CDH11: variants seen among roughly 807,000 people sequenced by gnomAD.
The protein encoded by CDH11 is cadherin 11, also known as cadherin-11.
A neutral mutation model predicts 67.8 loss-of-function variants in CDH11; 11 were observed. The ratio of observed to expected loss-of-function variants is 0.16; its 90% CI spans 0.10 to 0.27. The LOEUF is 0.27. Ranked by LOEUF, CDH11 falls within the 10% of genes least tolerant of loss-of-function variation. CDH11 has a pLI of 1.00. For missense variants in CDH11, 847 were observed against 1,031.2 expected, an observed-to-expected ratio of 0.82 and a Z score of 2.45; for synonymous variants, 419 against 400.0, an observed-to-expected ratio of 1.05 and a Z score of -0.57.
intron 2 of CDH11, among the ~76,000 whole-genome samples, chr16:65,039,359 A>G (rs531123170): frequency 6.6e-6 from 1 of 152,328 alleles, no homozygotes; most frequent in South Asian, 2.1e-4. Context: ...GTATCAAAAC[A>G]GAGATATAGA....
chr16:65,033,805 A>C (rs1280590287), intron 2 of CDH11, among the ~76,000 whole-genome samples: 2 of 150,954 alleles, frequency 1.3e-5, no homozygotes, highest in Non-Finnish European at 3.0e-5. Context: ...ATGGACTTGA[A>C]ATCCTCCAAG....
chr16:64,977,125 G>A (rs925401684), intron 8 of CDH11, among the ~76,000 whole-genome samples: 6 of 151,968 alleles, frequency 3.9e-5, no homozygotes, highest in African/African-American at 1.4e-4. Context: ...CCTGAGCGCA[G>A]GGAGCTCAAG....
Position 64,983,522 on chromosome 16 carries a change from T to A in CDH11, c.1000-1221A>T, listed in dbSNP as rs533422731. Among the ~76,000 whole-genome samples, 4 of 152,310 alleles carry A rather than the reference T, an allele frequency of 2.6e-5. No homozygotes were observed. The South Asian group carries it at 8.3e-4, about 32-fold the overall frequency. On this transcript the variant is annotated intron_variant, in intron 7 of 12. Coordinates refer to ENST00000268603, the MANE Select transcript of CDH11 (RefSeq NM_001797.4). ...ACGCTTATTCTGAATGGGCATATAG[T>A]CATGGGGCTTATTCCTGATCTAATT...
rs186378626 is a variant in CDH11, at chr16:65,001,451, T to C, written c.229-2595A>G. Among the ~76,000 whole-genome samples, 58 of 152,312 alleles carry C rather than the reference T, an allele frequency of 3.8e-4. No homozygotes were observed. In the East Asian group the frequency reaches 0.01, roughly 27 times the overall value. Reference sequence around the variant, plus strand: ...GGGAGGCTTACCTTTGTTCTTCTATTTACCCTGCTGCACACCTGGCAGAAG... The same window carrying C: ...GGGAGGCTTACCTTTGTTCTTCTATCTACCCTGCTGCACACCTGGCAGAAG... On this transcript the variant is annotated intron_variant, in intron 3 of 12. Coordinates refer to ENST00000268603, the MANE Select transcript of CDH11 (RefSeq NM_001797.4).
chr16:65,043,420 G>A (rs113328178), intron 2 of CDH11, among the ~76,000 whole-genome samples: 3,683 of 152,252 alleles, frequency 0.024, 54 homozygotes, highest in Non-Finnish European at 0.036. Flanking sequence ...CAAACATAAA[G>A]AGAAGATGTG....
At chr16:65,097,546 A>C (rs1011425145) in intron 1 of CDH11, among the ~76,000 whole-genome samples, 6 of 152,210 alleles carry the variant, frequency 3.9e-5, no homozygotes, top group African/African-American at 1.4e-4. Flanking sequence ...TGATGCCAGC[A>C]GCATTCTCTC....
At chr16:65,023,027 T>A (rs1349910987) in intron 2 of CDH11, among the ~76,000 whole-genome samples, 3 of 152,150 alleles carry the variant, frequency 2.0e-5, no homozygotes, top group Non-Finnish European at 4.4e-5. Context: ...AGGATAAGCA[T>A]GCATTTGGGC....
chr16:65,110,624 ATG>A (rs57316241), intron 1 of CDH11, among the ~76,000 whole-genome samples: 7,746 of 135,640 alleles, frequency 0.057, 230 homozygotes, highest in East Asian at 0.15. Flanking sequence ...ATGGCCAATG[ATG>A]TGTGTGTGTG....
intron 1 of CDH11, among the ~76,000 whole-genome samples, chr16:65,101,260 A>G (rs1396083146): frequency 1.3e-5 from 2 of 152,156 alleles, no homozygotes; most frequent in Non-Finnish European, 2.9e-5. Flanking sequence ...CCAAGAAGAC[A>G]CCAACCAATC....
intron 1 of CDH11, among the ~76,000 whole-genome samples, chr16:65,077,691 C>T (rs78736977): frequency 6.6e-6 from 1 of 152,128 alleles, no homozygotes; most frequent in Non-Finnish European, 1.5e-5. Context: ...CAAGGGAAAT[C>T]CTTTTAAATT....
chr16:64,983,177 G>A (rs2072400103), intron 7 of CDH11: 2 of 151,058 alleles, frequency 1.3e-5, no homozygotes, highest in South Asian at 4.2e-4. Context: ...TATTAAAGAT[G>A]GTCTATTTAA....
At chr16:65,064,861 G>A (rs546491502) in intron 1 of CDH11, among the ~76,000 whole-genome samples, 1 of 152,286 alleles carries the variant, frequency 6.6e-6, no homozygotes, top group African/African-American at 2.4e-5. Context: ...CCAGATATTA[G>A]GGAAGACAAA....
Position 64,990,957 on chromosome 16 carries a change from C to T in CDH11, c.811+811G>A, listed in dbSNP as rs201798186. ...ATGGCCAAAACAATATCTCCCATCC[C>T]ACATGCTTTTCCTTCAACATGACTT... On this transcript the variant is annotated intron_variant, in intron 6 of 12. Transcript: ENST00000268603. Among the ~76,000 whole-genome samples, 510 of 152,206 alleles carry T rather than the reference C, an allele frequency of 3.4e-3. 2 individuals carry two copies. Among genetic ancestry groups the T allele is most frequent in the African/African-American group, 0.012 (495 of 41,526 alleles).
chr16:65,021,818 C>T (rs1253301006), intron 2 of CDH11, among the ~76,000 whole-genome samples: 2 of 145,170 alleles, frequency 1.4e-5, no homozygotes, highest in African/African-American at 5.1e-5. Flanking sequence ...CATGAGATGT[C>T]TCCAAATAGA....
chr16:65,033,104 G>A (rs371514160), intron 2 of CDH11, among the ~76,000 whole-genome samples: 2 of 152,134 alleles, frequency 1.3e-5, no homozygotes, highest in African/African-American at 2.4e-5. Flanking sequence ...TGCCCATTAC[G>A]TGAAGCTTAA....
chr16:65,003,382 G>C (rs2072971786), intron 3 of CDH11, among the ~76,000 whole-genome samples: 1 of 151,746 alleles, frequency 6.6e-6, no homozygotes. Context: ...TCAGCCTCTG[G>C]AGTAGTTGGG....
intron 1 of CDH11, among the ~76,000 whole-genome samples, chr16:65,117,040 T>C (rs1330644246): frequency 2.0e-5 from 3 of 152,272 alleles, no homozygotes; most frequent in Non-Finnish European, 4.4e-5. Flanking sequence ...GTTCAAACAA[T>C]GTGCATTATT....
At chr16:64,985,791 T>C (rs1023103341) in intron 7 of CDH11, 1 of 148,834 alleles carries the variant, frequency 6.7e-6, no homozygotes, top group Non-Finnish European at 1.5e-5. Context: ...CTACCAAATA[T>C]CCTACAATGC....
At chr16:65,072,182 C>T (rs762472259) in intron 1 of CDH11, 10 of 152,268 alleles carry the variant, frequency 6.6e-5, no homozygotes, top group Non-Finnish European at 1.3e-4. Context: ...GACCAAGGGC[C>T]ACAGGACCGT....
Sources: gnomAD v4.1 joint callset for allele counts (sites outside exome capture counted in the v4.1 genomes callset) on GRCh38, gnomAD v4.1.1 for gene constraint, MANE v1.5 for transcripts, NCBI Gene and HGNC (gene_info 2026-07-23, HGNC 2026-07-21) for gene names.